GLIS3: variants seen among roughly 807,000 people sequenced by gnomAD.
GLIS3 encodes the protein GLIS family zinc finger 3.
Under a neutral mutation model 78.6 loss-of-function variants are expected in GLIS3, and 53 were observed. The ratio of observed to expected loss-of-function variants is 0.67; its 90% CI spans 0.54 to 0.85. The LOEUF (loss-of-function observed/expected upper bound fraction) is 0.85, where lower values mean the gene tolerates loss of function less well. Among genes scored for constraint, GLIS3 ranks in the 40% least tolerant of loss-of-function variants. GLIS3 has a pLI of 0.00. For synonymous variants in GLIS3, 684 were observed against 509.9 expected (o/e 1.34, Z -4.60); for missense variants, 1,703 against 1,231.1 (o/e 1.38, Z -5.74).
intron 2 of GLIS3, among the ~76,000 whole-genome samples, chr9:4,236,396 C>T (rs1392569301): frequency 6.6e-6 from 1 of 152,094 alleles, no homozygotes; most frequent in Non-Finnish European, 1.5e-5. Flanking sequence ...GATTGCAATA[C>T]TTAAGAATTC....
At chr9:3,837,638 A>G (rs1818435088) in intron 9 of GLIS3, among the ~76,000 whole-genome samples, 1 of 152,240 alleles carries the variant, frequency 6.6e-6, no homozygotes, top group South Asian at 2.1e-4. Context: ...GGGAATTTCA[A>G]TTTAAATGCA....
At chr9:3,945,398 C>A (rs944033735) in intron 4 of GLIS3, among the ~76,000 whole-genome samples, 1 of 152,176 alleles carries the variant, frequency 6.6e-6, no homozygotes, top group African/African-American at 2.4e-5. Context: ...GCGACCAATT[C>A]CCTCCTCCAT....
chr9:4,115,803 T>C (rs550417305), intron 4 of GLIS3, among the ~76,000 whole-genome samples: 56 of 152,302 alleles, frequency 3.7e-4, no homozygotes, highest in African/African-American at 1.3e-3. Context: ...CACTATTACA[T>C]GTGTAAATAA....
At chr9:4,358,475 G>C in the GLIS3 span, among the ~76,000 whole-genome samples, 1 of 152,092 alleles carries the variant, frequency 6.6e-6, no homozygotes, top group Non-Finnish European at 1.5e-5. Flanking sequence ...TAGTATAATT[G>C]GTGGTGATGT....
At position 3,824,916 on chromosome 9, in the gene GLIS3, G is replaced by A. The variant is rs1046086853; in HGVS notation, c.*3356C>T. 2 of 71,608 alleles carry A rather than the reference G, an allele frequency of 2.8e-5. No homozygotes were observed. The highest frequency in any genetic ancestry group is 1.0e-4 in the African/African-American group (2 of 19,326). The allele number at this position is 71,608 out of a possible 1,614,324, so 4.4% of individuals were successfully genotyped here. Reference sequence around the variant, plus strand: ...GTGCTTTTTTTTTTTTGCTTCATCTGTTGCAAAAAAAAAAAAAAATAATAA... The same window carrying A: ...GTGCTTTTTTTTTTTTGCTTCATCTATTGCAAAAAAAAAAAAAAATAATAA... On this transcript the variant is annotated 3_prime_UTR_variant, in exon 11 of 11. Coordinates refer to ENST00000381971, the MANE Select transcript of GLIS3 (RefSeq NM_001042413.2).
chr9:3,849,842 G>A (rs1819309213), intron 9 of GLIS3, among the ~76,000 whole-genome samples: 1 of 151,960 alleles, frequency 6.6e-6, no homozygotes, highest in Non-Finnish European at 1.5e-5. Flanking sequence ...CCAGGAGGCA[G>A]AGGTTGCAGT....
chr9:3,980,355 G>A (rs971217642), intron 4 of GLIS3, among the ~76,000 whole-genome samples: 2 of 152,138 alleles, frequency 1.3e-5, no homozygotes, highest in East Asian at 1.9e-4. Context: ...GTTCACACTC[G>A]ACGTAAGTGG....
intron 2 of GLIS3, among the ~76,000 whole-genome samples, chr9:4,279,324 TACAC>T (rs141790371): frequency 0.18 from 15,242 of 84,846 alleles, 1,391 homozygotes; most frequent in Middle Eastern, 0.26. Context: ...AATATATATA[TACAC>T]ACACACACAC....
intron 10 of GLIS3, 78 bp downstream of exon 10, chr9:3,829,232 C>T (rs1817900016): frequency 1.6e-6 from 2 of 1,273,222 alleles, no homozygotes; most frequent in South Asian, 2.4e-5. Context: ...CACGTCCAGC[C>T]CAGGTCGGTC....
chr9:4,205,714 G>C (rs560706346), intron 2 of GLIS3, among the ~76,000 whole-genome samples: 50 of 152,300 alleles, frequency 3.3e-4, no homozygotes, highest in African/African-American at 1.1e-3. Context: ...GGATTTTTCA[G>C]TTACATGAGA....
chr9:4,060,614 C>T (rs1004335732), intron 4 of GLIS3, among the ~76,000 whole-genome samples: 51 of 152,048 alleles, frequency 3.4e-4, no homozygotes, highest in African/African-American at 2.7e-4. Context: ...TGAGTTAGTT[C>T]GTTCAGACCC....
At chr9:3,946,465 T>G (rs1284287507) in intron 4 of GLIS3, among the ~76,000 whole-genome samples, 1 of 152,238 alleles carries the variant, frequency 6.6e-6, no homozygotes, top group Non-Finnish European at 1.5e-5. Context: ...CATCAAATGG[T>G]CAACACTGCA....
intron 2 of GLIS3, among the ~76,000 whole-genome samples, chr9:4,224,615 A>G (rs1266443164): frequency 6.6e-6 from 1 of 152,140 alleles, no homozygotes; most frequent in Non-Finnish European, 1.5e-5. Context: ...CCTCTAGCAA[A>G]TGGAACAGGG....
intron 4 of GLIS3, among the ~76,000 whole-genome samples, chr9:4,116,591 T>C (rs1831656626): frequency 6.6e-6 from 1 of 152,222 alleles, no homozygotes; most frequent in Non-Finnish European, 1.5e-5. Flanking sequence ...ATCACCTGTT[T>C]GGTTTGCTTT....
intron 8 of GLIS3, among the ~76,000 whole-genome samples, chr9:3,860,297 A>C (rs1414943981): frequency 2.1e-5 from 3 of 143,554 alleles, no homozygotes; most frequent in African/African-American, 4.9e-5. Flanking sequence ...AAAAAAAAAA[A>C]AAAAAACCTC....
rs573999036 is a variant in GLIS3, at chr9:3,919,374, T to C, written c.1983+12986A>G. ...ATTTAACGTCTCTGAACCTGAGGTC[T>C]TTCATCTCTAAAATGAAATGTGTTC... On this transcript the variant is annotated intron_variant, in intron 6 of 10. Coordinates refer to ENST00000381971, the MANE Select transcript of GLIS3 (RefSeq NM_001042413.2). Among the ~76,000 whole-genome samples, 10 of 152,304 alleles carry C rather than the reference T, an allele frequency of 6.6e-5. No homozygotes were observed. The South Asian group carries it at 1.7e-3, about 25-fold the overall frequency.
In GLIS3 at chr9:4,330,783, A is replaced by G. The variant is rs139286469; in HGVS notation, n.264+16298T>C. 2.4e-4 allele frequency among the ~76,000 whole-genome samples: 36 copies of G among 152,230 alleles called. 1 individual carries two copies. The highest frequency in any genetic ancestry group is 8.7e-4 in the African/African-American group (36 of 41,544). On this transcript the variant is annotated intron_variant and non_coding_transcript_variant, in intron 2 of 4. Transcript: ENST00000471664. ...TGAGAAGAGGGACTGGACTCAGGAG[A>G]TAACTTAGAAAAAATGCAATCGATG...
At chr9:4,356,758 G>A in the GLIS3 span, among the ~76,000 whole-genome samples, 1 of 152,194 alleles carries the variant, frequency 6.6e-6, no homozygotes, top group Non-Finnish European at 1.5e-5. Context: ...GGAATTTGCT[G>A]ATGAACCAAA....
chr9:4,196,742 A>T (rs1205301285), intron 2 of GLIS3, among the ~76,000 whole-genome samples: 1 of 152,236 alleles, frequency 6.6e-6, no homozygotes, highest in South Asian at 2.1e-4. Context: ...ACTCACCGTG[A>T]GGGTCCGCAG....
Sources: allele counts gnomAD v4.1 joint callset (sites outside exome capture counted in the v4.1 genomes callset), GRCh38; gene constraint gnomAD v4.1.1; transcripts MANE v1.5; gene names NCBI Gene and HGNC (gene_info 2026-07-23, HGNC 2026-07-21).